PIKFYVE: variants seen among roughly 807,000 people sequenced by gnomAD.
PIKFYVE encodes 1-phosphatidylinositol 3-phosphate 5-kinase.
In PIKFYVE, 122 loss-of-function variants were observed where a neutral mutation model predicts 257.9. The ratio of observed to expected loss-of-function variants is 0.47; its 90% confidence interval spans 0.41 to 0.55. The LOEUF is 0.55. PIKFYVE is among the 20% of genes least tolerant of loss of function. PIKFYVE has a pLI of 0.00. For missense variants in PIKFYVE, 2,160 were observed against 2,536.6 expected (o/e 0.85, Z 3.19); for synonymous variants, 892 against 868.9 (o/e 1.03, Z -0.47).
intron 18 of PIKFYVE, among the ~76,000 whole-genome samples, chr2:208,324,620 A>G (rs1559127108): frequency 1.3e-5 from 2 of 152,208 alleles, no homozygotes; most frequent in African/African-American, 4.8e-5. Context: ...TGTGCAGAAC[A>G]GGGGCCAATT....
At position 208,276,831 on chromosome 2, in the gene PIKFYVE, G is replaced by C. The variant is rs1690170247; in HGVS notation, c.441+1G>C. The C allele has an allele frequency of 6.2e-7, 1 of 1,607,086 alleles. No individual in the cohort carries two copies. Among genetic ancestry groups the C allele is most frequent in the African/African-American group, 1.3e-5 (1 of 74,754 alleles). The stretch of plus-strand genomic sequence containing the variant: ...GGAAATCATGGAGGGGAAAAGCCAG[G>C]TACTGTCTAGAGGCTTTGGAAGATT... On this transcript the variant is annotated splice_donor_variant, in intron 4 of 41. Transcript: ENST00000264380. LOFTEE classifies it high-confidence loss of function.
chr2:208,317,926 C>A lies in PIKFYVE; in HGVS notation c.2067C>A (p.Asn689Lys). The change falls in exon 16 of 42, where the codon AAC (asparagine) becomes AAA (lysine). Residue 689 changes from asparagine (N) to lysine (K), a missense_variant. Around this residue, in one of 12 missense-constraint regions of PIKFYVE, gnomAD observed 346 missense variants for 365.6 expected, o/e 0.95. Transcript: ENST00000264380. ...VVVNGFVCTKNIAHKKMSSCI... is the reference protein window; with the variant it reads ...VVVNGFVCTKKIAHKKMSSCI... The stretch of plus-strand genomic sequence containing the variant: ...TCAATGGCTTTGTTTGTACCAAGAA[C>A]ATTGCACATAAAAAGGTAATGTGAT... 1 of 1,613,764 alleles carries A rather than the reference C, an allele frequency of 6.2e-7. No individual in the cohort carries two copies. Among genetic ancestry groups the A allele is most frequent in the Non-Finnish European group, 8.5e-7 (1 of 1,179,666 alleles).
chr2:208,309,226 A>G (rs1694693152), intron 12 of PIKFYVE, among the ~76,000 whole-genome samples: 1 of 152,084 alleles, frequency 6.6e-6, no homozygotes, highest in South Asian at 2.1e-4. Flanking sequence ...AGCGTGTTGG[A>G]TAGCAGAATT....
intron 15 of PIKFYVE, among the ~76,000 whole-genome samples, chr2:208,315,656 C>A (rs568442447): frequency 9.3e-4 from 141 of 152,252 alleles, no homozygotes; most frequent in South Asian, 2.1e-3. Context: ...GACAAGTCAG[C>A]TATGAGAAAG....
Position 208,325,810 on chromosome 2 carries a change from A to G in PIKFYVE, c.2999A>G (p.Gln1000Arg), listed in dbSNP as rs1332575043. The G allele has an allele frequency of 2.5e-6, 4 of 1,614,140 alleles. No individual in the cohort carries two copies. Among genetic ancestry groups the G allele is most frequent in the East Asian group, 2.2e-5 (1 of 44,878 alleles). ...GGCAGCGAGCAGCCAGAGACTTTGCAGCAAACAGTTGTGCTGCAGGATCCC... is the reference window on the plus strand; with the variant it reads ...GGCAGCGAGCAGCCAGAGACTTTGCGGCAAACAGTTGTGCTGCAGGATCCC... ...ALGSEQPETL[Q>R]QTVVLQDPKS... Residue 1000 changes from glutamine (Q) to arginine (R), a missense_variant, in exon 20 of 42, where the codon CAG (glutamine) becomes CGG (arginine). Transcript: ENST00000264380.
In PIKFYVE at chr2:208,329,828, G is replaced by A; in HGVS notation, c.3720-14G>A. ...GGTAATTCTTATGTTTCTAAGAGGTGGTCTCTTCTTTAGGATTGTAACAAT... is the reference window on the plus strand; with the variant it reads ...GGTAATTCTTATGTTTCTAAGAGGTAGTCTCTTCTTTAGGATTGTAACAAT... On this transcript the variant is annotated splice_polypyrimidine_tract_variant and intron_variant, in intron 21 of 41. Coordinates refer to ENST00000264380, the MANE Select transcript of PIKFYVE (RefSeq NM_015040.4). The A allele has an allele frequency of 6.2e-7, 1 of 1,609,960 alleles. No homozygotes were observed. The highest frequency in any genetic ancestry group is 1.7e-5 in the Admixed American group (1 of 59,852).
rs1700142034 is a variant in PIKFYVE at position 208,356,032 on chromosome 2, T to C, written c.*727T>C. On this transcript the variant is annotated 3_prime_UTR_variant, in exon 42 of 42. Coordinates refer to ENST00000264380, the MANE Select transcript of PIKFYVE (RefSeq NM_015040.4). ...GTTTAAAATTTTTGTGCAATTCATATATTAAATTGCACTTACTTGCATACG... is the reference window on the plus strand; with the variant it reads ...GTTTAAAATTTTTGTGCAATTCATACATTAAATTGCACTTACTTGCATACG... 1 of 152,532 alleles carries C rather than the reference T, an allele frequency of 6.6e-6. No homozygotes were observed. 9.4% of individuals were successfully genotyped at this position (152,532 alleles called of 1,614,324 possible).
intron 6 of PIKFYVE, among the ~76,000 whole-genome samples, chr2:208,288,437 A>T (rs1309399254): frequency 6.6e-6 from 1 of 152,230 alleles, no homozygotes; most frequent in East Asian, 1.9e-4. Context: ...TTCATCTTGT[A>T]TTAATAATGT....
chr2:208,304,810 C>G, intron 11 of PIKFYVE, 36 bp from the exon 12 acceptor site: 1 of 1,595,294 alleles, frequency 6.3e-7, no homozygotes, highest in Non-Finnish European at 8.6e-7. Flanking sequence ...CTCCCCTCCT[C>G]TCCCTATATT....
rs578199608 is a variant in PIKFYVE at position 208,326,856 on chromosome 2, CT to C, written c.3618+434del. On this transcript the variant is annotated intron_variant, in intron 20 of 41. Coordinates refer to ENST00000264380, the MANE Select transcript of PIKFYVE (RefSeq NM_015040.4). Reference sequence around the variant, plus strand: ...TTTGTTTTCTCAAAAAAAGTTAGCTCTTTTTTTAACATAAAACATTTTACCT... The same window carrying C: ...TTTGTTTTCTCAAAAAAAGTTAGCTCTTTTTTAACATAAAACATTTTACCT... Among the ~76,000 whole-genome samples the C allele has an allele frequency of 8.5e-5, 13 of 152,116 alleles. No homozygotes were observed. In the East Asian group the frequency reaches 2.1e-3, roughly 25 times the overall value.
chr2:208,331,601 T>C (rs1000715261), intron 23 of PIKFYVE, among the ~76,000 whole-genome samples: 3 of 152,208 alleles, frequency 2.0e-5, no homozygotes, highest in Non-Finnish European at 2.9e-5. Flanking sequence ...GGTCTCAAAC[T>C]CCTGACCTCG....
intron 2 of PIKFYVE, among the ~76,000 whole-genome samples, chr2:208,272,914 A>C (rs1272157053): frequency 6.6e-6 from 1 of 152,190 alleles, no homozygotes; most frequent in Non-Finnish European, 1.5e-5. Context: ...AGTCTGGTAC[A>C]TTTGTTACAA....
chr2:208,346,055 C>T lies in PIKFYVE; in HGVS notation c.5117C>T (p.Ser1706Leu). ...AEEGLPTNSTSDSRPKSSSPI... is the reference protein window; with the variant it reads ...AEEGLPTNSTLDSRPKSSSPI... Reference sequence around the variant, plus strand: ...TTTTTTTCTTTTCATTTTAGTACTTCAGATAGCAGACCAAAGAGTAGCAGC... The same window carrying T: ...TTTTTTTCTTTTCATTTTAGTACTTTAGATAGCAGACCAAAGAGTAGCAGC... Residue 1706 changes from serine (S) to leucine (L), a missense_variant, in exon 34 of 42, where the codon TCA (serine) becomes TTA (leucine). Coordinates refer to ENST00000264380, the MANE Select transcript of PIKFYVE (RefSeq NM_015040.4). 6.2e-6 allele frequency: 10 copies of T among 1,610,778 alleles called. No homozygotes were observed. The highest frequency in any genetic ancestry group is 8.5e-6 in the Non-Finnish European group (10 of 1,177,510).
chr2:208,351,772 C>T (rs1699796263), intron 38 of PIKFYVE, among the ~76,000 whole-genome samples: 1 of 152,190 alleles, frequency 6.6e-6, no homozygotes, highest in Non-Finnish European at 1.5e-5. Context: ...ATTCTTTTAA[C>T]TAACCAGATC....
In PIKFYVE at chr2:208,354,113, G is replaced by A. The variant is rs146239645; in HGVS notation, c.6060G>A (p.Leu2020=). Residue 2020 remains leucine (L), a synonymous_variant, in exon 40 of 42, where the codon CTG becomes CTA. Coordinates refer to ENST00000264380, the MANE Select transcript of PIKFYVE (RefSeq NM_015040.4). ...ACCTCATTATAGATTATTCTTTGCT[G>A]GTTGGGCGAGATGATACTAGCAATG... ...SSHLIIDYSL[L]VGRDDTSNEL... is the part of the protein sequence containing the mutation. The A allele has an allele frequency of 3.7e-4, 590 of 1,613,870 alleles. 3 individuals are homozygous for A. In the African/African-American group the frequency reaches 7.0e-3, roughly 19 times the overall value.
chr2:208,333,306 G>A lies in PIKFYVE; in HGVS notation c.3964-9G>A, dbSNP rs377601593. On this transcript the variant is annotated splice_polypyrimidine_tract_variant and intron_variant, in intron 23 of 41. Coordinates refer to ENST00000264380, the MANE Select transcript of PIKFYVE (RefSeq NM_015040.4). ...TGTGATTAGGTAAACTATTTTTGCT[G>A]AATTCCAGGTAACACCAGTTGTTGC... 13 of 1,612,188 alleles carry A rather than the reference G, an allele frequency of 8.1e-6. No individual in the cohort carries two copies. Among genetic ancestry groups the A allele is most frequent in the Middle Eastern group, 3.3e-4 (2 of 6,046 alleles).
chr2:208,293,876 A>C (rs1692630236), intron 7 of PIKFYVE, among the ~76,000 whole-genome samples: 1 of 151,910 alleles, frequency 6.6e-6, no homozygotes. Flanking sequence ...ATTTGAATAC[A>C]CTTAGTTTTG....
intron 12 of PIKFYVE, 49 bp downstream of exon 12, chr2:208,305,062 G>A (rs892431290): frequency 6.2e-7 from 1 of 1,611,204 alleles, no homozygotes; most frequent in Non-Finnish European, 8.5e-7. Context: ...GGACAGCTGG[G>A]CCATAGGATC....
chr2:208,335,907 T>A lies in PIKFYVE; in HGVS notation c.4365+6T>A, dbSNP rs1481512234. The A allele has an allele frequency of 1.9e-6, 3 of 1,601,386 alleles. No individual in the cohort carries two copies. Among genetic ancestry groups the A allele is most frequent in the East Asian group, 4.5e-5 (2 of 44,742 alleles). ...ATATTTTTGCACAGAAAGAGGTAATTTATTTCTTTGGTAGAAAATTCAAAA... is the reference window on the plus strand; with the variant it reads ...ATATTTTTGCACAGAAAGAGGTAATATATTTCTTTGGTAGAAAATTCAAAA... On this transcript the variant is annotated splice_donor_region_variant and intron_variant, in intron 26 of 41. Coordinates refer to ENST00000264380, the MANE Select transcript of PIKFYVE (RefSeq NM_015040.4).
Sources: allele counts gnomAD v4.1 joint callset (sites outside exome capture counted in the v4.1 genomes callset), GRCh38; gene constraint gnomAD v4.1.1; regional missense constraint gnomAD v4.1.1; transcripts MANE v1.5; gene names NCBI Gene and HGNC (gene_info 2026-07-23, HGNC 2026-07-21).